KCNH1: variants seen among roughly 807,000 people sequenced by gnomAD.
The protein encoded by KCNH1 is voltage-gated delayed rectifier potassium channel KCNH1.
Under a neutral mutation model 69.2 loss-of-function variants are expected in KCNH1, and 27 were observed. The observed-to-expected ratio is 0.39, with a 90% CI of 0.29 to 0.54. KCNH1 has a LOEUF of 0.54. Ranked by LOEUF, KCNH1 falls within the 20% of genes least tolerant of loss-of-function variation. The pLI is 0.68. For synonymous variants in KCNH1, 456 were observed against 487.7 expected (o/e 0.93, Z 0.86); for missense variants, 798 against 1,261.6 (o/e 0.63, Z 5.57).
intron 9 of KCNH1, among the ~76,000 whole-genome samples, chr1:210,795,573 A>C (rs1225259278): frequency 2.6e-5 from 4 of 152,312 alleles, no homozygotes; most frequent in Middle Eastern, 3.4e-3. Context: ...TAGGACCAAA[A>C]AACAAGAAGG....
intron 1 of KCNH1, among the ~76,000 whole-genome samples, chr1:211,113,953 G>C (rs35791548): frequency 0.054 from 7,138 of 132,718 alleles, 269 homozygotes; most frequent in Admixed American, 0.092. Context: ...CTCTCTCTCT[G>C]TCTCTCTCTC....
intron 5 of KCNH1, among the ~76,000 whole-genome samples, chr1:211,021,037 A>T (rs1389812872): frequency 6.6e-6 from 1 of 152,198 alleles, no homozygotes; most frequent in Non-Finnish European, 1.5e-5. Flanking sequence ...TATGATTCTA[A>T]GTGAAGTAAC....
rs114559658 is a variant in KCNH1 at position 210,824,864 on chromosome 1, A to G, written c.1463-20698T>C. ...TTACCCAGCATTATCTTGTAATATC[A>G]TGCATTGGTCATTTGGAAAATATAG... is the stretch of plus-strand genomic sequence containing the variant. On this transcript the variant is annotated intron_variant, in intron 7 of 10. Coordinates refer to ENST00000271751, the MANE Select transcript of KCNH1 (RefSeq NM_172362.3). Among the ~76,000 whole-genome samples, 1,142 of 152,296 alleles carry G rather than the reference A, an allele frequency of 7.5e-3. 18 individuals are homozygous for G. Among genetic ancestry groups the G allele is most frequent in the African/African-American group, 0.026 (1,081 of 41,564 alleles).
intron 9 of KCNH1, among the ~76,000 whole-genome samples, chr1:210,795,822 T>C (rs1321946456): frequency 6.6e-6 from 1 of 152,070 alleles, no homozygotes; most frequent in East Asian, 1.9e-4. Context: ...GCTAGCATAC[T>C]ACGTTAATTA....
chr1:211,066,289 G>A (rs904064716), intron 5 of KCNH1, among the ~76,000 whole-genome samples: 12 of 152,142 alleles, frequency 7.9e-5, no homozygotes, highest in African/African-American at 2.4e-4. Context: ...ACTAATACTT[G>A]TTGAAGATTT....
chr1:211,111,104 AT>A (rs1691451976), intron 1 of KCNH1, among the ~76,000 whole-genome samples: 1 of 152,206 alleles, frequency 6.6e-6, no homozygotes, highest in South Asian at 2.1e-4. Context: ...TAAAAGATTA[AT>A]TTATTGATTA....
At chr1:211,082,098 A>G (rs186912136) in intron 5 of KCNH1, among the ~76,000 whole-genome samples, 112 of 152,344 alleles carry the variant, frequency 7.4e-4, no homozygotes, top group African/African-American at 2.6e-3. Flanking sequence ...CTAGCCTCTT[A>G]CTTGCCCCAG....
intron 5 of KCNH1, among the ~76,000 whole-genome samples, chr1:211,033,999 T>C (rs1425417348): frequency 6.6e-6 from 1 of 152,012 alleles, no homozygotes; most frequent in Non-Finnish European, 1.5e-5. Flanking sequence ...GAATGTAAAA[T>C]GGTGCGGGCA....
At chr1:210,718,865 A>G (rs1394377153) in intron 10 of KCNH1, among the ~76,000 whole-genome samples, 2 of 151,806 alleles carry the variant, frequency 1.3e-5, no homozygotes, top group Admixed American at 6.6e-5. Context: ...GCTAAGAGGG[A>G]GCCACCCCTC....
intron 5 of KCNH1, among the ~76,000 whole-genome samples, chr1:211,068,332 T>C (rs1280577803): frequency 1.3e-5 from 2 of 152,206 alleles, no homozygotes; most frequent in Non-Finnish European, 2.9e-5. Flanking sequence ...GTCATGTAAA[T>C]GCCTTAGAAG....
In KCNH1 at chr1:210,919,080, A is replaced by C. The variant is rs1687406136; in HGVS notation, c.1462+560T>G. On this transcript the variant is annotated intron_variant, in intron 7 of 10. Transcript: ENST00000271751. The surrounding 1 kb of genome is among the most constrained non-coding windows in gnomAD (Gnocchi z 4.2). ...TAATAATACTGTAATGCCTACAGGA[A>C]ATTTGCTGAGAGAGCAGATTTCAAG... 6.5e-6 allele frequency: 1 copy of C among 153,588 alleles called. No individual in the cohort carries two copies. The highest frequency in any genetic ancestry group is 2.4e-5 in the African/African-American group (1 of 41,474). The allele number at this position is 153,588 out of a possible 1,614,324, so 9.5% of individuals were successfully genotyped here.
At chr1:210,704,581 A>G (rs910912322) in intron 10 of KCNH1, among the ~76,000 whole-genome samples, 3 of 152,202 alleles carry the variant, frequency 2.0e-5, no homozygotes, top group African/African-American at 7.2e-5. Context: ...CACACACATT[A>G]TCTCATTTGG....
intron 9 of KCNH1, among the ~76,000 whole-genome samples, chr1:210,779,455 C>A (rs1359186361): frequency 6.6e-6 from 1 of 152,198 alleles, no homozygotes; most frequent in Non-Finnish European, 1.5e-5. Flanking sequence ...TTGTAAGTTA[C>A]ACACAATGCT....
At chr1:210,974,027 C>T (rs1256075450) in intron 6 of KCNH1, among the ~76,000 whole-genome samples, 1 of 152,120 alleles carries the variant, frequency 6.6e-6, no homozygotes, top group Non-Finnish European at 1.5e-5. Context: ...TTGTCAGTTT[C>T]ACCACAGCCT....
chr1:211,132,954 G>A (rs996393403), intron 1 of KCNH1: 3 of 152,162 alleles, frequency 2.0e-5, no homozygotes, highest in African/African-American at 7.2e-5. Flanking sequence ...AAGTCCGAAA[G>A]GCGTTTGGAA....
intron 5 of KCNH1, among the ~76,000 whole-genome samples, chr1:211,075,779 T>C (rs1054863455): frequency 3.3e-5 from 5 of 152,192 alleles, no homozygotes; most frequent in Non-Finnish European, 7.4e-5. Flanking sequence ...GGGCGGAGCA[T>C]TGCCTCACCC....
rs370706677 is a variant in KCNH1, at chr1:211,076,986, G to A, written c.558+5794C>T. Among the ~76,000 whole-genome samples the A allele has an allele frequency of 4.1e-4, 63 of 152,214 alleles. 1 individual carries two copies. In the South Asian group the frequency reaches 0.012, roughly 29 times the overall value. ...ATGCACAAGCTTCAATAGCCAATTC[G>A]ATCAAGTGGAAGAAAGGGTATCAGT... On this transcript the variant is annotated intron_variant, in intron 5 of 10. Coordinates refer to ENST00000271751, the MANE Select transcript of KCNH1 (RefSeq NM_172362.3).
At chr1:210,881,357 A>G (rs1212926134) in intron 7 of KCNH1, among the ~76,000 whole-genome samples, 1 of 152,194 alleles carries the variant, frequency 6.6e-6, no homozygotes, top group Non-Finnish European at 1.5e-5. Context: ...AATCCAGAAT[A>G]CTAACTACAT....
At chr1:211,103,398 T>G in intron 3 of KCNH1, 98 bp downstream of exon 3, 1 of 700,782 alleles carries the variant, frequency 1.4e-6, no homozygotes, top group Middle Eastern at 2.6e-4. Flanking sequence ...ATTTAGCTGG[T>G]GGGAGAGAAG....
Sources: gnomAD v4.1 joint callset for allele counts (sites outside exome capture counted in the v4.1 genomes callset) on GRCh38, gnomAD v4.1.1 for gene constraint, Gnocchi (gnomAD v3.1) non-coding constraint, MANE v1.5 for transcripts, NCBI Gene and HGNC (gene_info 2026-07-23, HGNC 2026-07-21) for gene names.